Variants in AVEN observed in about 807,000 individuals in gnomAD.
The protein encoded by AVEN is apoptosis and caspase activation inhibitor.
A neutral mutation model predicts 38.1 loss-of-function variants in AVEN; 41 were observed. The observed-to-expected ratio is 1.08, with a 90% CI of 0.84 to 1.40. The LOEUF (loss-of-function observed/expected upper bound fraction) is 1.40, where lower values mean the gene tolerates loss of function less well. Among genes scored for constraint, AVEN ranks in the 40% most tolerant of loss-of-function variants. The probability of loss-of-function intolerance (pLI) is 0.00; values close to 1 mark genes in which losing one functional copy is unlikely to be tolerated. For synonymous variants in AVEN, 206 were observed against 171.8 expected (o/e 1.20, Z -1.56); for missense variants, 605 against 438.8 (o/e 1.38, Z -3.38).
chr15:33,912,742 C>T (rs1892960904), intron 2 of AVEN, among the ~76,000 whole-genome samples: 1 of 152,162 alleles, frequency 6.6e-6, no homozygotes, highest in Non-Finnish European at 1.5e-5. Context: ...ATGCCCATTA[C>T]ACTCCCATTG....
rs562443673 is a variant in AVEN at position 33,983,854 on chromosome 15, A to G, written c.445+19178T>C. 2.4e-3 allele frequency among the ~76,000 whole-genome samples: 371 copies of G among 152,128 alleles called. 3 individuals carry two copies. The highest frequency in any genetic ancestry group is 8.3e-3 in the African/African-American group (346 of 41,516). On this transcript the variant is annotated intron_variant, in intron 2 of 5. Transcript: ENST00000306730. ...TAAGTCCTATAAATATTTTGTGTCC[A>G]CTGACATGATCCAACAAGAAAGGTA...
chr15:34,072,563 TC>T (rs1338548689), intron 1 of AVEN, among the ~76,000 whole-genome samples: 3 of 143,348 alleles, frequency 2.1e-5, no homozygotes, highest in Non-Finnish European at 4.6e-5. Context: ...TGAGTCAAGA[TC>T]TGGCCACTGC....
intron 1 of AVEN, among the ~76,000 whole-genome samples, chr15:34,072,165 A>T (rs1449334315): frequency 2.0e-5 from 3 of 152,030 alleles, no homozygotes; most frequent in African/African-American, 7.3e-5. Context: ...GCTGCTCAAG[A>T]GGCTGAGGCG....
At chr15:33,864,135 C>T (rs1295954850), downstream of AVEN, 1 of 1,609,774 alleles carries the variant, frequency 6.2e-7, no homozygotes, top group South Asian at 1.1e-5. Flanking sequence ...TTCCTCGTTC[C>T]AGGTTCTTTC....
In AVEN at chr15:33,879,849, A is replaced by G. The variant is rs115156792; in HGVS notation, c.446-3854T>C. Among the ~76,000 whole-genome samples, 1,475 of 152,350 alleles carry G rather than the reference A, an allele frequency of 9.7e-3. 27 individuals carry two copies. Among genetic ancestry groups the G allele is most frequent in the African/African-American group, 0.032 (1,340 of 41,578 alleles). ...TGGATCAATTAGAAACCTCTGTATT[A>G]TGTAATGTCTATAAAGAGAACAGTA... On this transcript the variant is annotated intron_variant, in intron 2 of 5. Coordinates refer to ENST00000306730, the MANE Select transcript of AVEN (RefSeq NM_020371.3).
intron 2 of AVEN, among the ~76,000 whole-genome samples, chr15:33,979,119 A>G (rs921076900): frequency 6.6e-6 from 1 of 152,164 alleles, no homozygotes; most frequent in African/African-American, 2.4e-5. Context: ...CTGCATATCA[A>G]TTTGATTATA....
intron 2 of AVEN, among the ~76,000 whole-genome samples, chr15:33,945,768 G>A (rs1894485555): frequency 1.3e-5 from 2 of 151,948 alleles, no homozygotes; most frequent in South Asian, 2.1e-4. Flanking sequence ...TTGTATTTTC[G>A]TAGAGACGGG....
At chr15:33,951,935 T>A (rs1242745252) in intron 2 of AVEN, among the ~76,000 whole-genome samples, 1 of 152,220 alleles carries the variant, frequency 6.6e-6, no homozygotes, top group African/African-American at 2.4e-5. Context: ...GAAAGCTGGA[T>A]AAGACCAAGG....
rs574786536 is a variant in AVEN at position 34,065,781 on chromosome 15, G to A, written n.1126+191C>T. 6 of 152,268 alleles carry A rather than the reference G, an allele frequency of 3.9e-5. No homozygotes were observed. The South Asian group carries it at 1.0e-3, about 26-fold the overall frequency. 9.4% of individuals were successfully genotyped at this position (152,268 alleles called of 1,614,324 possible). On this transcript the variant is annotated intron_variant and non_coding_transcript_variant, in intron 4 of 11. Coordinates refer to the AVEN transcript ENST00000675287. ...AAAGTCCACAAAGAAGCAGTAGTGT[G>A]GTACACAGCAAGGATTTTAAAGATG...
intron 5 of AVEN, among the ~76,000 whole-genome samples, chr15:34,056,329 AACTCCTACTCCAT>A (rs1900147431): frequency 6.6e-6 from 1 of 152,176 alleles, no homozygotes; most frequent in Non-Finnish European, 1.5e-5. Flanking sequence ...CCGAAATTAG[AACTCCTACTCCAT>A]ACTCCTAGTT....
upstream of AVEN, among the ~76,000 whole-genome samples, chr15:34,043,265 A>G (rs1444768778): frequency 1.3e-5 from 2 of 151,846 alleles, no homozygotes; most frequent in African/African-American, 4.8e-5. Context: ...AAAAAAGACT[A>G]TGGATCTCAT....
chr15:33,887,396 G>A (rs1891748817), intron 2 of AVEN, among the ~76,000 whole-genome samples: 1 of 152,046 alleles, frequency 6.6e-6, no homozygotes, highest in Non-Finnish European at 1.5e-5. Context: ...ATTTTTTTCA[G>A]TTCTAACATA....
chr15:33,963,810 A>AG (rs11377556), intron 2 of AVEN, among the ~76,000 whole-genome samples: 6,826 of 150,814 alleles, frequency 0.045, 491 homozygotes, highest in African/African-American at 0.15. Context: ...AAAAAAAAAA[A>AG]AAAGAAAACG....
At chr15:34,057,686 A>G (rs1900206793) in intron 5 of AVEN, among the ~76,000 whole-genome samples, 1 of 152,162 alleles carries the variant, frequency 6.6e-6, no homozygotes, top group Admixed American at 6.5e-5. Context: ...AGTCCCAGCT[A>G]CGTGGGAGGC....
In AVEN at chr15:33,943,821, T is replaced by C. The variant is rs951214995; in HGVS notation, c.445+59211A>G. Among the ~76,000 whole-genome samples, 540 of 83,388 alleles carry C rather than the reference T, an allele frequency of 6.5e-3. 7 individuals carry two copies. The highest frequency in any genetic ancestry group is 0.012 in the Non-Finnish European group (428 of 36,164). The allele number at this position is 83,388 out of a possible 152,430, so 54.7% of individuals were successfully genotyped here. A position where few individuals can be genotyped will look rare whatever the true frequency, so the allele number is the denominator to read the frequency against. On this transcript the variant is annotated intron_variant, in intron 2 of 5. Transcript: ENST00000306730. Reference sequence around the variant, plus strand: ...CTGGGTGACAGAGCAAGACTCCGTCTTTAAAAAAAAAAAAAAAAAAAAAAA... The same window carrying C: ...CTGGGTGACAGAGCAAGACTCCGTCCTTAAAAAAAAAAAAAAAAAAAAAAA...
downstream of AVEN, among the ~76,000 whole-genome samples, chr15:33,861,711 A>G (rs1258858161): frequency 6.6e-6 from 1 of 152,120 alleles, no homozygotes; most frequent in Non-Finnish European, 1.5e-5. Flanking sequence ...ATGTTGCTAA[A>G]TTCTGTGTTC....
chr15:33,853,132 G>C, the AVEN span: 24 of 1,486,132 alleles, frequency 1.6e-5, no homozygotes, highest in Non-Finnish European at 2.1e-5. Context: ...ACCAAAAAAT[G>C]TGGTGTATGT....
In AVEN at chr15:34,003,119, G is replaced by T; in HGVS notation, c.358C>A (p.Arg120=). ...ACCTCTTTTTCAATATCTTGATATCGATCCCAGTTAGAGACAATCTTTCTT... is the reference window on the plus strand; with the variant it reads ...ACCTCTTTTTCAATATCTTGATATCTATCCCAGTTAGAGACAATCTTTCTT... ...SKRKIVSNWD[R]YQDIEKEVNN... is the part of the protein sequence containing the mutation. The change falls in exon 2 of 6, where the codon CGA becomes AGA. Residue 120 remains arginine, a synonymous_variant. Transcript: ENST00000306730. The T allele has an allele frequency of 6.2e-7, 1 of 1,613,508 alleles. No homozygotes were observed. Among genetic ancestry groups the T allele is most frequent in the Non-Finnish European group, 8.5e-7 (1 of 1,179,688 alleles).
chr15:33,919,294 AAT>A (rs1359098287), intron 2 of AVEN, among the ~76,000 whole-genome samples: 1 of 152,216 alleles, frequency 6.6e-6, no homozygotes, highest in Non-Finnish European at 1.5e-5. Flanking sequence ...TTTATTTTTC[AAT>A]ACTCCAAATT....
Sources: gnomAD v4.1 joint callset for allele counts (sites outside exome capture counted in the v4.1 genomes callset) on GRCh38, gnomAD v4.1.1 for gene constraint, MANE v1.5 for transcripts, NCBI Gene and HGNC (gene_info 2026-07-23, HGNC 2026-07-21) for gene names.